The following PSMB7 variants were observed in gnomAD, a reference collection of about 807,000 sequenced individuals.
The protein encoded by PSMB7 is proteasome 20S subunit beta 7.
In PSMB7, 5 loss-of-function variants were observed where a neutral mutation model predicts 28.1. The ratio of observed to expected loss-of-function variants is 0.18; its 90% CI spans 0.09 to 0.37. PSMB7 has a LOEUF of 0.37. Among genes scored for constraint, PSMB7 ranks in the 10% least tolerant of loss-of-function variants. The pLI is 1.00. For missense variants in PSMB7, 275 were observed against 346.2 expected, an observed-to-expected ratio of 0.79 and a Z score of 1.63; for synonymous variants, 122 against 123.7, an observed-to-expected ratio of 0.99 and a Z score of 0.09.
intron 7 of PSMB7, 30 bp from the exon 8 acceptor site, chr9:124,353,739 T>C: frequency 6.6e-7 from 1 of 1,518,494 alleles, no homozygotes; most frequent in Non-Finnish European, 9.1e-7. Context: ...AGCACAGAGT[T>C]AGGATTCTCC....
In PSMB7 at chr9:124,353,502, G is replaced by T; in HGVS notation, c.*96C>A. 2.1e-6 allele frequency: 2 copies of T among 968,494 alleles called. No individual in the cohort carries two copies. The highest frequency in any genetic ancestry group is 3.3e-6 in the Non-Finnish European group (2 of 615,134). The allele number at this position is 968,494 out of a possible 1,614,324, so 60.0% of individuals were successfully genotyped here. A position where few individuals can be genotyped will look rare whatever the true frequency, so the allele number is the denominator to read the frequency against. On this transcript the variant is annotated 3_prime_UTR_variant, in exon 8 of 8. Transcript: ENST00000259457. ...TTTGGTTTTTGTTTTTTATTGAGTT[G>T]AGTTTCATTCGGCAAACACTAGCCA...
intron 6 of PSMB7, among the ~76,000 whole-genome samples, chr9:124,362,547 C>T (rs560351585): frequency 1.9e-4 from 29 of 152,322 alleles, no homozygotes; most frequent in Non-Finnish European, 3.2e-4. Context: ...CCTTCATTAA[C>T]CACTAAGGAT....
chr9:124,410,681 G>A (rs945511492), intron 4 of PSMB7, among the ~76,000 whole-genome samples: 17 of 152,184 alleles, frequency 1.1e-4, no homozygotes, highest in Admixed American at 3.9e-4. Flanking sequence ...GATAGACAAG[G>A]CTTCCTATCC....
intron 2 of PSMB7, 72 bp from the exon 3 acceptor site, chr9:124,414,077 G>A: frequency 1.0e-6 from 1 of 998,828 alleles, no homozygotes; most frequent in Non-Finnish European, 1.5e-6. Context: ...CTACTTTAGG[G>A]AATACTATGT....
intron 7 of PSMB7, among the ~76,000 whole-genome samples, chr9:124,355,821 C>T (rs947321594): frequency 6.6e-6 from 1 of 152,234 alleles, no homozygotes; most frequent in Non-Finnish European, 1.5e-5. Context: ...CAGGAGCCCA[C>T]TGAGCTTCCG....
At chr9:124,389,614 G>A (rs1255499687) in intron 5 of PSMB7, among the ~76,000 whole-genome samples, 1 of 151,882 alleles carries the variant, frequency 6.6e-6, no homozygotes, top group East Asian at 1.9e-4. Context: ...AGACAGGGAG[G>A]CAGGGAGGAC....
chr9:124,363,100 G>A (rs1433399538), intron 6 of PSMB7, among the ~76,000 whole-genome samples: 5 of 152,230 alleles, frequency 3.3e-5, no homozygotes, highest in Admixed American at 2.0e-4. Flanking sequence ...TGCTTGGCAT[G>A]TAGGTCAACA....
chr9:124,413,011 C>T (rs1342331866), intron 3 of PSMB7, among the ~76,000 whole-genome samples: 1 of 151,498 alleles, frequency 6.6e-6, no homozygotes, highest in African/African-American at 2.4e-5. Context: ...GTAATTGATT[C>T]TGATCATTAA....
chr9:124,402,053 ACAAAC>A (rs1319156503), intron 5 of PSMB7, among the ~76,000 whole-genome samples: 1 of 151,984 alleles, frequency 6.6e-6, no homozygotes, highest in Non-Finnish European at 1.5e-5. Context: ...GAGTGGAGGA[ACAAAC>A]AAGACCTCAA....
In PSMB7 at chr9:124,370,263, T is replaced by C. The variant is rs199789337; in HGVS notation, c.571-13348A>G. ...TTAAAGCTTTCACAATAGCAGAAGG[T>C]ATCCAGGGTATATTTGTTCCGACCA... On this transcript the variant is annotated intron_variant, in intron 6 of 7. Transcript: ENST00000259457. Among the ~76,000 whole-genome samples the C allele has an allele frequency of 3.0e-4, 45 of 151,044 alleles. No homozygotes were observed. In the East Asian group the frequency reaches 5.7e-3, roughly 19 times the overall value.
intron 6 of PSMB7, among the ~76,000 whole-genome samples, chr9:124,381,258 G>A (rs959023877): frequency 6.6e-6 from 1 of 152,208 alleles, no homozygotes; most frequent in African/African-American, 2.4e-5. Context: ...CCAAAGTACA[G>A]GTTTGGAGAT....
intron 3 of PSMB7, among the ~76,000 whole-genome samples, chr9:124,413,507 G>C (rs1316878140): frequency 6.6e-6 from 1 of 152,172 alleles, no homozygotes; most frequent in Non-Finnish European, 1.5e-5. Context: ...ACAAAATCCA[G>C]TATGGCAGAA....
At chr9:124,414,747 C>T in intron 2 of PSMB7, 95 bp downstream of exon 2, 4 of 1,035,068 alleles carry the variant, frequency 3.9e-6, no homozygotes, top group Non-Finnish European at 6.0e-6. Context: ...TAGCATTTGC[C>T]TTTCCAGACC....
chr9:124,404,670 G>A (rs1830945054), intron 5 of PSMB7, among the ~76,000 whole-genome samples: 2 of 152,036 alleles, frequency 1.3e-5, no homozygotes, highest in South Asian at 4.1e-4. Flanking sequence ...TGGCCAACAT[G>A]GTGAAACCCC....
At chr9:124,400,671 G>T (rs1169050326) in intron 5 of PSMB7, among the ~76,000 whole-genome samples, 1 of 152,180 alleles carries the variant, frequency 6.6e-6, no homozygotes, top group Non-Finnish European at 1.5e-5. Context: ...CAACTACATT[G>T]TGAGCCACCT....
chr9:124,354,121 C>T (rs1830370648), intron 7 of PSMB7, among the ~76,000 whole-genome samples: 1 of 152,206 alleles, frequency 6.6e-6, no homozygotes, highest in South Asian at 2.1e-4. Context: ...ACAAGAATGA[C>T]TTAACTGTTA....
chr9:124,395,261 G>A (rs1202375640), intron 5 of PSMB7, among the ~76,000 whole-genome samples: 2 of 152,006 alleles, frequency 1.3e-5, no homozygotes, highest in African/African-American at 4.8e-5. Flanking sequence ...AAGGCAGGAG[G>A]ATCACTTAAG....
At chr9:124,412,612 C>G in intron 3 of PSMB7, 120 bp from the exon 4 acceptor site, 2 of 1,003,332 alleles carry the variant, frequency 2.0e-6, no homozygotes, top group Non-Finnish European at 2.9e-6. Flanking sequence ...TTGAGTATAT[C>G]TATGCTGTAA....
At chr9:124,393,496 A>C (rs868612812) in intron 5 of PSMB7, among the ~76,000 whole-genome samples, 2 of 152,364 alleles carry the variant, frequency 1.3e-5, no homozygotes, top group South Asian at 2.1e-4. Flanking sequence ...TCTACCTTTT[A>C]TTCCCAATGA....
Sources: gnomAD v4.1 joint callset for allele counts (sites outside exome capture counted in the v4.1 genomes callset) on GRCh38, gnomAD v4.1.1 for gene constraint, MANE v1.5 for transcripts, NCBI Gene and HGNC (gene_info 2026-07-23, HGNC 2026-07-21) for gene names.